Variants in CCDC38 observed in about 807,000 individuals in gnomAD.
CCDC38 encodes coiled-coil domain containing 38.
In CCDC38, 69 loss-of-function variants were observed where a neutral mutation model predicts 72.8. The ratio of observed to expected loss-of-function variants is 0.95; its 90% confidence interval spans 0.78 to 1.16. The LOEUF (loss-of-function observed/expected upper bound fraction) is 1.16. Among genes scored for constraint, CCDC38 ranks in the 50% most tolerant of loss-of-function variants. The pLI is 0.00. For synonymous variants in CCDC38, 201 were observed against 213.2 expected (o/e 0.94, Z 0.50); for missense variants, 626 against 638.9 (o/e 0.98, Z 0.22).
intron 2 of CCDC38, among the ~76,000 whole-genome samples, chr12:95,931,623 G>T (rs1268175785): frequency 6.6e-6 from 1 of 152,180 alleles, no homozygotes; most frequent in Non-Finnish European, 1.5e-5. Flanking sequence ...TCAACTATGT[G>T]CCAGGTAGTG....
At chr12:95,873,430 T>TGG (rs1269435549) in intron 13 of CCDC38, among the ~76,000 whole-genome samples, 2 of 152,208 alleles carry the variant, frequency 1.3e-5, no homozygotes, top group Non-Finnish European at 2.9e-5. Context: ...CTGTTTTCGT[T>TGG]GGGAAGCCAT....
chr12:95,881,958 A>G (rs1397688502), intron 10 of CCDC38, among the ~76,000 whole-genome samples: 2 of 152,268 alleles, frequency 1.3e-5, no homozygotes, highest in Non-Finnish European at 2.9e-5. Flanking sequence ...TGAAAGCTGT[A>G]TCACAGCCTT....
chr12:95,936,443 A>G, intron 2 of CCDC38, 30 bp downstream of exon 2: 3 of 1,608,330 alleles, frequency 1.9e-6, no homozygotes, highest in Non-Finnish European at 2.5e-6. Context: ...CCAGGCCCAA[A>G]CAAGAATATA....
chr12:95,922,673 G>A (rs1429239738), intron 2 of CCDC38, among the ~76,000 whole-genome samples: 3 of 152,184 alleles, frequency 2.0e-5, no homozygotes, highest in African/African-American at 7.2e-5. Flanking sequence ...GGCCCTGTGA[G>A]GCTGAAATAT....
At position 95,918,910 on chromosome 12, in the gene CCDC38, A is replaced by G; in HGVS notation, c.104T>C (p.Leu35Pro). Residue 35 changes from leucine (L) to proline (P), a missense_variant, in exon 3 of 16, where the codon CTT becomes CCT. Leu to Pro is a moderately conservative substitution (Grantham distance 98, BLOSUM62 -3). Transcript: ENST00000344280. ...PYKIFFRDLFLVKENEMAAKE... is the reference protein window; with the variant it reads ...PYKIFFRDLFPVKENEMAAKE... ...TGCTGCCATTTCATTTTCTTTGACA[A>G]GAAAGAGATCTCTGAAAAAGATCTT... 6.2e-7 allele frequency: 1 copy of G among 1,612,152 alleles called. No homozygotes were observed. The highest frequency in any genetic ancestry group is 8.5e-7 in the Non-Finnish European group (1 of 1,178,246).
At chr12:95,895,177 T>C in intron 7 of CCDC38, 31 bp from the exon 8 acceptor site, 1 of 1,529,348 alleles carries the variant, frequency 6.5e-7, no homozygotes, top group Non-Finnish European at 8.8e-7. Context: ...TATGATTAGG[T>C]ATATCAGTGT....
At chr12:95,926,377 C>T (rs1344923543) in intron 2 of CCDC38, among the ~76,000 whole-genome samples, 19 of 152,060 alleles carry the variant, frequency 1.2e-4, no homozygotes, top group African/African-American at 2.9e-4. Flanking sequence ...TCTGTGGGAT[C>T]GGTGGTGATA....
chr12:95,905,869 G>A (rs1472903289), intron 5 of CCDC38, among the ~76,000 whole-genome samples: 1 of 152,132 alleles, frequency 6.6e-6, no homozygotes, highest in African/African-American at 2.4e-5. Context: ...AGGAAAAAAA[G>A]CCTCTATTAT....
rs529367030 is a variant in CCDC38 at position 95,890,943 on chromosome 12, A to G, written c.773-13T>C. 10 of 1,434,784 alleles carry G rather than the reference A, an allele frequency of 7.0e-6. No individual in the cohort carries two copies. The highest frequency in any genetic ancestry group is 5.1e-5 in the Admixed American group (3 of 59,004). The allele number at this position is 1,434,784 out of a possible 1,614,324, so 88.9% of individuals were successfully genotyped here. A position where few individuals can be genotyped will look rare whatever the true frequency, so the allele number is the denominator to read the frequency against. On this transcript the variant is annotated splice_polypyrimidine_tract_variant and intron_variant, in intron 8 of 15. Coordinates refer to ENST00000344280, the MANE Select transcript of CCDC38 (RefSeq NM_182496.3). The stretch of plus-strand genomic sequence containing the variant: ...TGTAATGATAATTCTAGAAATGGCA[A>G]ATGAAGAGGAGAGAGACAGAGAAAG...
rs2079590199 is a variant in CCDC38, at chr12:95,872,361, C to G, written c.1378G>C (p.Val460Leu). 7 of 1,614,130 alleles carry G rather than the reference C, an allele frequency of 4.3e-6. No individual in the cohort carries two copies. The highest frequency in any genetic ancestry group is 5.9e-6 in the Non-Finnish European group (7 of 1,180,006). The stretch of plus-strand genomic sequence containing the variant: ...TCTACCAGGCGAGATTCTACTTTTA[C>G]CAGCTTTTGAATTGGGTTGAGGCCG... Reference protein sequence around the residue: ...DDGLNPIQKLVKVESRLVELC... With the variant: ...DDGLNPIQKLLKVESRLVELC... Residue 460 changes from valine (V) to leucine (L), a missense_variant, in exon 14 of 16, where the codon GTA becomes CTA. Transcript: ENST00000344280.
chr12:95,912,786 G>A (rs551909796), intron 4 of CCDC38, among the ~76,000 whole-genome samples: 1 of 152,278 alleles, frequency 6.6e-6, no homozygotes, highest in Non-Finnish European at 1.5e-5. Context: ...AGGGCCAGCA[G>A]CAGTGGCTCA....
intron 15 of CCDC38, among the ~76,000 whole-genome samples, chr12:95,868,743 C>T (rs2079549912): frequency 6.6e-6 from 1 of 150,570 alleles, no homozygotes; most frequent in Non-Finnish European, 1.5e-5. Flanking sequence ...TAGAAACAAA[C>T]TCCTTACCCT....
chr12:95,892,081 CTTTTTTTTTTTT>C, intron 8 of CCDC38, among the ~76,000 whole-genome samples: 1 of 97,974 alleles, frequency 1.0e-5, no homozygotes, highest in South Asian at 3.1e-4. Flanking sequence ...GATCACTCTG[CTTTTTTTTTTTT>C]TTTTTTTTTG....
chr12:95,926,967 T>G (rs544133460), intron 2 of CCDC38, among the ~76,000 whole-genome samples: 5 of 152,292 alleles, frequency 3.3e-5, no homozygotes, highest in Admixed American at 1.3e-4. Context: ...TCCAAGTATG[T>G]GGTCAATTTT....
intron 2 of CCDC38, among the ~76,000 whole-genome samples, chr12:95,924,636 A>T (rs374723820): frequency 6.6e-6 from 1 of 150,960 alleles, no homozygotes; most frequent in Admixed American, 6.6e-5. Flanking sequence ...CTGAATGGTA[A>T]TGCCTAGGTT....
chr12:95,891,635 A>G (rs1421603686), intron 8 of CCDC38, among the ~76,000 whole-genome samples: 2 of 151,434 alleles, frequency 1.3e-5, no homozygotes, highest in Middle Eastern at 3.2e-3. Context: ...AGATGGAGCC[A>G]CCGCACCTGG....
chr12:95,940,891 C>CA (rs71091221), intron 1 of CCDC38, among the ~76,000 whole-genome samples: 86 of 66,508 alleles, frequency 1.3e-3, no homozygotes, highest in Admixed American at 2.2e-3. Flanking sequence ...AACAAACAAA[C>CA]AAAAAAAAAA....
At chr12:95,941,335 G>A (rs1592816215) in intron 1 of CCDC38, among the ~76,000 whole-genome samples, 1 of 152,132 alleles carries the variant, frequency 6.6e-6, no homozygotes, top group African/African-American at 2.4e-5. Context: ...TAAAACACAC[G>A]AATAATAGTA....
intron 5 of CCDC38, chr12:95,903,761 T>G (rs985826902): frequency 4.2e-5 from 12 of 288,880 alleles, no homozygotes; most frequent in African/African-American, 2.6e-4. Context: ...TGTATTATCT[T>G]TTTAGTATTA....
Sources: allele counts gnomAD v4.1 joint callset (sites outside exome capture counted in the v4.1 genomes callset), GRCh38; gene constraint gnomAD v4.1.1; transcripts MANE v1.5; gene names NCBI Gene and HGNC (gene_info 2026-07-23, HGNC 2026-07-21).